UBE3C: variants seen among roughly 807,000 people sequenced by gnomAD.
The protein encoded by UBE3C is ubiquitin-protein ligase E3C.
A neutral mutation model predicts 129.4 loss-of-function variants in UBE3C; 42 were observed. That is an observed-to-expected ratio of 0.32 (90% CI 0.25 to 0.42). The LOEUF (loss-of-function observed/expected upper bound fraction) is 0.42. UBE3C is among the 10% of genes least tolerant of loss of function. The pLI is 1.00. For synonymous variants in UBE3C, 510 were observed against 492.4 expected (o/e 1.04, Z -0.47); for missense variants, 1,049 against 1,319.1 (o/e 0.80, Z 3.17).
At chr7:157,189,276 TAATA>T (rs1462868534) in intron 10 of UBE3C, 1 of 258,204 alleles carries the variant, frequency 3.9e-6, no homozygotes, top group African/African-American at 2.2e-5. Flanking sequence ...ATTGGTTAAG[TAATA>T]AATGAATTGC....
At chr7:157,182,761 G>C (rs530436892) in intron 8 of UBE3C, among the ~76,000 whole-genome samples, 57 of 151,826 alleles carry the variant, frequency 3.8e-4, no homozygotes, top group African/African-American at 1.1e-3. Context: ...GGTTGGGTGC[G>C]GGGGGGTATA....
At chr7:157,202,992 A>G (rs1294098714) in intron 11 of UBE3C, among the ~76,000 whole-genome samples, 2 of 152,226 alleles carry the variant, frequency 1.3e-5, no homozygotes, top group African/African-American at 2.4e-5. Flanking sequence ...TGCTGTGTGC[A>G]GTCATAATGA....
At chr7:157,181,070 A>G (rs1397772828) in intron 6 of UBE3C, among the ~76,000 whole-genome samples, 1 of 152,246 alleles carries the variant, frequency 6.6e-6, no homozygotes, top group Admixed American at 6.5e-5. Context: ...GAGACAAATT[A>G]TAAGATCACA....
At chr7:157,230,061 A>G (rs1795981995) in intron 17 of UBE3C, among the ~76,000 whole-genome samples, 1 of 151,610 alleles carries the variant, frequency 6.6e-6, no homozygotes, top group Non-Finnish European at 1.5e-5. Flanking sequence ...GACATGTGCC[A>G]CCTTGCCTGG....
At chr7:157,179,256 C>T (rs1033947961) in intron 6 of UBE3C, among the ~76,000 whole-genome samples, 1 of 151,926 alleles carries the variant, frequency 6.6e-6, no homozygotes, top group Non-Finnish European at 1.5e-5. Flanking sequence ...AGTTGAACAT[C>T]ACTCCAAGAG....
intron 2 of UBE3C, among the ~76,000 whole-genome samples, chr7:157,166,232 A>G (rs1808207989): frequency 6.6e-6 from 1 of 152,206 alleles, no homozygotes; most frequent in Admixed American, 6.5e-5. Flanking sequence ...CCTGTCTTCA[A>G]GTTCTGAGAT....
intron 1 of UBE3C, among the ~76,000 whole-genome samples, chr7:157,152,729 C>T (rs952262345): frequency 1.9e-4 from 29 of 152,234 alleles, no homozygotes; most frequent in Admixed American, 1.6e-3. Context: ...GCCTCTCCCT[C>T]GTGTCTGGGC....
At chr7:157,260,047 C>T (rs1383312090) in intron 22 of UBE3C, among the ~76,000 whole-genome samples, 1 of 152,010 alleles carries the variant, frequency 6.6e-6, no homozygotes, top group Non-Finnish European at 1.5e-5. Context: ...GACGTATAAA[C>T]TTAAACGTGT....
intron 14 of UBE3C, among the ~76,000 whole-genome samples, chr7:157,218,876 C>T (rs1371780353): frequency 6.6e-6 from 1 of 152,154 alleles, no homozygotes; most frequent in African/African-American, 2.4e-5. Flanking sequence ...AGGGTGCTAA[C>T]AAAACCCTTC....
chr7:157,219,708 G>A (rs1291380281), intron 14 of UBE3C, among the ~76,000 whole-genome samples: 2 of 152,082 alleles, frequency 1.3e-5, no homozygotes, highest in Admixed American at 6.6e-5. Flanking sequence ...AGACCACCCT[G>A]GCCAACATGG....
At chr7:157,225,627 C>A in intron 17 of UBE3C, 88 bp downstream of exon 17, 1 of 1,399,134 alleles carries the variant, frequency 7.1e-7, no homozygotes, top group Non-Finnish European at 9.4e-7. Context: ...AATTAGTGTC[C>A]ATCATCTTGT....
intron 9 of UBE3C, among the ~76,000 whole-genome samples, chr7:157,184,499 TA>T (rs1301198627): frequency 1.3e-5 from 2 of 152,230 alleles, no homozygotes; most frequent in Non-Finnish European, 2.9e-5. Context: ...TTTCAGGGAA[TA>T]AAAAACTTTA....
chr7:157,209,186 A>C (rs2117012753), intron 13 of UBE3C, among the ~76,000 whole-genome samples: 1 of 152,300 alleles, frequency 6.6e-6, no homozygotes, highest in Admixed American at 6.5e-5. Flanking sequence ...CTAATTAAGG[A>C]ATGCTTATTC....
At chr7:157,241,151 A>G (rs1245298521) in intron 18 of UBE3C, among the ~76,000 whole-genome samples, 3 of 152,172 alleles carry the variant, frequency 2.0e-5, no homozygotes, top group Admixed American at 2.0e-4. Flanking sequence ...CTACTCACGC[A>G]GAGTGCTCTG....
At chr7:157,197,679 T>C (rs1434031562) in intron 10 of UBE3C, 163 of 1,610,364 alleles carry the variant, frequency 1.0e-4, no homozygotes, top group Middle Eastern at 1.7e-4. Flanking sequence ...TAGCTCTTTA[T>C]TCGGAAATGA....
Position 157,176,223 on chromosome 7 carries a change from C to T in UBE3C, c.458+1189C>T, listed in dbSNP as rs6951367. Among the ~76,000 whole-genome samples the T allele has an allele frequency of 1.9e-3, 292 of 152,264 alleles. 2 individuals are homozygous for T. Among genetic ancestry groups the T allele is most frequent in the African/African-American group, 6.4e-3 (267 of 41,562 alleles). On this transcript the variant is annotated intron_variant, in intron 5 of 22. Coordinates refer to ENST00000348165, the MANE Select transcript of UBE3C (RefSeq NM_014671.3). ...GCTGCAGTGAGCTGTGATTGTGCTACTGAACTCCAGTTTGGGCAGCAGAGC... is the reference window on the plus strand; with the variant it reads ...GCTGCAGTGAGCTGTGATTGTGCTATTGAACTCCAGTTTGGGCAGCAGAGC...
At chr7:157,166,282 A>G (rs771316706) in intron 2 of UBE3C, among the ~76,000 whole-genome samples, 1 of 152,138 alleles carries the variant, frequency 6.6e-6, no homozygotes, top group Non-Finnish European at 1.5e-5. Context: ...AAGCTTTCAA[A>G]TGTATTTTGT....
chr7:157,201,201 G>A (rs1039443532), intron 10 of UBE3C, among the ~76,000 whole-genome samples: 7 of 151,930 alleles, frequency 4.6e-5, no homozygotes, highest in Non-Finnish European at 7.4e-5. Flanking sequence ...GCGGGCACCT[G>A]TAATCCCAGG....
chr7:157,211,167 G>GGGGAGAGAGA (rs1491521524), intron 13 of UBE3C, among the ~76,000 whole-genome samples: 2 of 137,082 alleles, frequency 1.5e-5, no homozygotes, highest in African/African-American at 5.9e-5. Context: ...CCATATGTCT[G>GGGGAGAGAGA]GAGAGAGAGA....
Sources: allele counts gnomAD v4.1 joint callset (sites outside exome capture counted in the v4.1 genomes callset), GRCh38; gene constraint gnomAD v4.1.1; transcripts MANE v1.5; gene names NCBI Gene and HGNC (gene_info 2026-07-23, HGNC 2026-07-21).